GABBR2: variants seen among roughly 807,000 people sequenced by gnomAD.
The protein encoded by GABBR2 is gamma-aminobutyric acid type B receptor subunit 2, also known as G-protein coupled receptor 51.
GABBR2 carries 23 observed loss-of-function variants against 105.6 expected under a neutral mutation model. The ratio of observed to expected loss-of-function variants is 0.22; its 90% CI spans 0.16 to 0.31. The LOEUF (loss-of-function observed/expected upper bound fraction) is 0.31. Among genes scored for constraint, GABBR2 ranks in the 10% least tolerant of loss-of-function variants. The pLI is 1.00. For synonymous variants in GABBR2, 478 were observed against 499.7 expected, an observed-to-expected ratio of 0.96 and a Z score of 0.58; for missense variants, 734 against 1,245.5, an observed-to-expected ratio of 0.59 and a Z score of 6.18.
chr9:98,329,314 C>T (rs1830982051), intron 13 of GABBR2, among the ~76,000 whole-genome samples: 1 of 152,224 alleles, frequency 6.6e-6, no homozygotes, highest in East Asian at 1.9e-4. Flanking sequence ...GTTTCCCCAT[C>T]AGGAAAATGA....
chr9:98,537,778 C>T (rs1002932658), intron 3 of GABBR2, among the ~76,000 whole-genome samples: 6 of 152,104 alleles, frequency 3.9e-5, no homozygotes, highest in African/African-American at 1.4e-4. Flanking sequence ...TGTACATTAA[C>T]AACGGATGAA....
chr9:98,572,450 T>A (rs1041878514), intron 2 of GABBR2, among the ~76,000 whole-genome samples: 22 of 152,204 alleles, frequency 1.4e-4, no homozygotes, highest in African/African-American at 5.3e-4. Flanking sequence ...GAGCTCCTTT[T>A]CAATTACACA....
rs572962920 is a variant in GABBR2, at chr9:98,394,483, C to T, written c.1298-228G>A. ...TCAACTGGTTGTCCATCCTTTGCTTCACACCTCAAAGATGGGGAGCCCAGG... is the reference window on the plus strand; with the variant it reads ...TCAACTGGTTGTCCATCCTTTGCTTTACACCTCAAAGATGGGGAGCCCAGG... On this transcript the variant is annotated intron_variant, in intron 8 of 18. Transcript: ENST00000259455. Among the ~76,000 whole-genome samples, 3 of 152,358 alleles carry T rather than the reference C, an allele frequency of 2.0e-5. No individual in the cohort carries two copies. In the East Asian group the frequency reaches 5.8e-4, roughly 29 times the overall value.
intron 13 of GABBR2, among the ~76,000 whole-genome samples, chr9:98,320,644 A>AT (rs1372128607): frequency 2.0e-5 from 3 of 152,206 alleles, no homozygotes; most frequent in Non-Finnish European, 4.4e-5. Flanking sequence ...AATACTGTGC[A>AT]GCCTTAAAAA....
chr9:98,651,341 A>G (rs994705595), intron 1 of GABBR2, among the ~76,000 whole-genome samples: 1 of 151,970 alleles, frequency 6.6e-6, no homozygotes, highest in Non-Finnish European at 1.5e-5. Context: ...ACAGGGTTTC[A>G]CCATGTTGGC....
intron 3 of GABBR2, among the ~76,000 whole-genome samples, chr9:98,528,701 T>G (rs1214032786): frequency 6.6e-6 from 1 of 152,024 alleles, no homozygotes; most frequent in Non-Finnish European, 1.5e-5. Flanking sequence ...AGAAATATTC[T>G]TAGTAAAAAA....
At chr9:98,606,472 CT>C (rs988764294) in intron 1 of GABBR2, among the ~76,000 whole-genome samples, 87 of 128,626 alleles carry the variant, frequency 6.8e-4, no homozygotes, top group African/African-American at 2.0e-3. Context: ...TGTCTATTAT[CT>C]TTTTTTTTTC....
intron 1 of GABBR2, among the ~76,000 whole-genome samples, chr9:98,625,960 CAG>C (rs59592852): frequency 0.036 from 5,411 of 152,176 alleles, 308 homozygotes; most frequent in African/African-American, 0.12. Flanking sequence ...GTACCTTAAA[CAG>C]GGGACAGAGC....
intron 13 of GABBR2, among the ~76,000 whole-genome samples, chr9:98,312,786 G>A (rs1221311505): frequency 6.6e-6 from 1 of 152,162 alleles, no homozygotes; most frequent in Non-Finnish European, 1.5e-5. Flanking sequence ...TAGAGTCTCT[G>A]TCACCCAGGC....
intron 4 of GABBR2, among the ~76,000 whole-genome samples, chr9:98,493,872 C>G (rs879480015): frequency 2.0e-5 from 3 of 152,204 alleles, no homozygotes; most frequent in Non-Finnish European, 2.9e-5. Context: ...GTGACCAAGA[C>G]AGACAGAAAT....
intron 3 of GABBR2, among the ~76,000 whole-genome samples, chr9:98,509,867 C>T (rs1401842277): frequency 1.3e-5 from 2 of 152,186 alleles, no homozygotes; most frequent in Admixed American, 6.5e-5. Flanking sequence ...TCCAGGAGAA[C>T]TTCCCCAATC....
intron 2 of GABBR2, among the ~76,000 whole-genome samples, chr9:98,569,156 A>G (rs1045180301): frequency 6.6e-6 from 1 of 152,184 alleles, no homozygotes; most frequent in East Asian, 1.9e-4. Flanking sequence ...AGCAGCAGCA[A>G]CAGTTTCCAG....
chr9:98,310,603 G>C (rs1161706809), intron 14 of GABBR2, among the ~76,000 whole-genome samples: 2 of 152,006 alleles, frequency 1.3e-5, no homozygotes, highest in Non-Finnish European at 1.5e-5. Context: ...TTTGCAGTTT[G>C]GAGGTTACTA....
chr9:98,414,737 C>T (rs1832656788), intron 7 of GABBR2, among the ~76,000 whole-genome samples: 2 of 151,766 alleles, frequency 1.3e-5, no homozygotes, highest in South Asian at 2.1e-4. Flanking sequence ...TGTGACAGTC[C>T]TACCAATGGA....
chr9:98,338,604 A>G (rs754856540), intron 13 of GABBR2, among the ~76,000 whole-genome samples: 4 of 152,360 alleles, frequency 2.6e-5, no homozygotes, highest in Middle Eastern at 3.4e-3. Flanking sequence ...TAAGATGGCT[A>G]TAATCAAAAA....
At chr9:98,549,975 G>A (rs953409372) in intron 2 of GABBR2, among the ~76,000 whole-genome samples, 24 of 152,210 alleles carry the variant, frequency 1.6e-4, no homozygotes, top group African/African-American at 5.8e-4. Flanking sequence ...CAAGGACCAA[G>A]TTCACAAAGA....
At chr9:98,658,254 G>A (rs948168931) in intron 1 of GABBR2, among the ~76,000 whole-genome samples, 1 of 152,122 alleles carries the variant, frequency 6.6e-6, no homozygotes, top group African/African-American at 2.4e-5. Flanking sequence ...AATCACCAAG[G>A]GAGGTATTTA....
At chr9:98,647,679 C>T (rs1313872125) in intron 1 of GABBR2, among the ~76,000 whole-genome samples, 2 of 152,222 alleles carry the variant, frequency 1.3e-5, no homozygotes, top group Non-Finnish European at 2.9e-5. Context: ...CCCTTCCTTG[C>T]TCCACCAACA....
chr9:98,635,675 T>C (rs937308079), intron 1 of GABBR2, among the ~76,000 whole-genome samples: 1 of 151,926 alleles, frequency 6.6e-6, no homozygotes, highest in African/African-American at 2.4e-5. Context: ...CTGAAAAAAA[T>C]AGACAGACCA....
Sources: gnomAD v4.1 joint callset for allele counts (sites outside exome capture counted in the v4.1 genomes callset) on GRCh38, gnomAD v4.1.1 for gene constraint, MANE v1.5 for transcripts, NCBI Gene and HGNC (gene_info 2026-07-23, HGNC 2026-07-21) for gene names.